Variants in TNS3 observed in about 807,000 individuals in gnomAD.
The protein encoded by TNS3 is tensin 3.
TNS3 carries 45 observed loss-of-function variants against 140.9 expected under a neutral mutation model. The ratio of observed to expected loss-of-function variants is 0.32; its 90% confidence interval spans 0.25 to 0.41. TNS3 has a LOEUF of 0.41. Among genes scored for constraint, TNS3 ranks in the 10% least tolerant of loss-of-function variants. The probability of loss-of-function intolerance (pLI) is 1.00; values close to 1 mark genes in which losing one functional copy is unlikely to be tolerated. For synonymous variants in TNS3, 815 were observed against 788.4 expected (o/e 1.03, Z -0.56); for missense variants, 1,716 against 1,906.7 (o/e 0.90, Z 1.86).
intron 16 of TNS3, among the ~76,000 whole-genome samples, chr7:47,386,062 C>T (rs1022894046): frequency 9.2e-5 from 14 of 152,256 alleles, no homozygotes; most frequent in African/African-American, 3.4e-4. Flanking sequence ...AGACTGTCAA[C>T]ACCATGAATC....
At chr7:47,334,569 A>G (rs1788519831) in intron 20 of TNS3, among the ~76,000 whole-genome samples, 1 of 150,132 alleles carries the variant, frequency 6.7e-6, no homozygotes, top group South Asian at 2.1e-4. Flanking sequence ...AAATTATGAA[A>G]TAGTTTGGAA....
At position 47,351,552 on chromosome 7, in the gene TNS3, C is replaced by A. The variant is rs370805299; in HGVS notation, c.2282-5196G>T. 4.6e-5 allele frequency among the ~76,000 whole-genome samples: 7 copies of A among 152,082 alleles called. No individual in the cohort carries two copies. The East Asian group carries it at 1.3e-3, about 29-fold the overall frequency. On this transcript the variant is annotated intron_variant, in intron 17 of 30. Coordinates refer to ENST00000311160, the MANE Select transcript of TNS3 (RefSeq NM_022748.12). ...TTGAACGTGAGACTCCACGCTAGGT[C>A]CAAGGTAGATGCCCAGGAAGCCCAG...
chr7:47,299,729 A>T (rs1387801226), intron 23 of TNS3, among the ~76,000 whole-genome samples: 1 of 152,120 alleles, frequency 6.6e-6, no homozygotes, highest in Non-Finnish European at 1.5e-5. Flanking sequence ...GTAAGAGGAG[A>T]ATTTTAGACC....
rs978991825 is a variant in TNS3, at chr7:47,280,334, T to C, written c.4118A>G (p.Tyr1373Cys). Residue 1373 changes from tyrosine to cysteine, a missense_variant, in exon 29 of 31, where the codon TAC (tyrosine) becomes TGC (cysteine). Tyr to Cys is a radical substitution (Grantham distance 194). Coordinates refer to ENST00000311160, the MANE Select transcript of TNS3 (RefSeq NM_022748.12). ...NQRKLFFRRH[Y>C]PVNSVIFCAL... The stretch of plus-strand genomic sequence containing the variant: ...ACAGAAAATCACACTGTTCACGGGG[T>C]AATGCCTCCGGAAGAAGAGCCTGTT... 3.1e-6 allele frequency: 5 copies of C among 1,614,116 alleles called. No homozygotes were observed. The highest frequency in any genetic ancestry group is 4.2e-6 in the Non-Finnish European group (5 of 1,180,020).
At chr7:47,504,326 G>A (rs1798335162) in intron 3 of TNS3, among the ~76,000 whole-genome samples, 1 of 152,218 alleles carries the variant, frequency 6.6e-6, no homozygotes, top group African/African-American at 2.4e-5. Flanking sequence ...GCCACAGAAG[G>A]GGCTCTGAGG....
At chr7:47,385,859 A>T (rs1792043810) in intron 16 of TNS3, among the ~76,000 whole-genome samples, 1 of 152,168 alleles carries the variant, frequency 6.6e-6, no homozygotes, top group African/African-American at 2.4e-5. Flanking sequence ...GGGGCAATGT[A>T]TGGCTACTGC....
At chr7:47,283,339 T>TAAAACAATGA (rs1305696368) in intron 28 of TNS3, among the ~76,000 whole-genome samples, 2 of 152,228 alleles carry the variant, frequency 1.3e-5, no homozygotes, top group African/African-American at 4.8e-5. Context: ...AACAATAGGT[T>TAAAACAATGA]CCAAGATCAT....
rs371498658 is a variant in TNS3, at chr7:47,563,029, T to G, written c.-265+19022A>C. On this transcript the variant is annotated intron_variant, in intron 1 of 30. Transcript: ENST00000311160. ...CCAGCCTTCTCTGGCCATACCCTTC[T>G]TTAGCTATGCCCGTTCTTGTTTATG... is the stretch of plus-strand genomic sequence containing the variant. Among the ~76,000 whole-genome samples, 182 of 152,344 alleles carry G rather than the reference T, an allele frequency of 1.2e-3. 1 individual carries two copies. Among genetic ancestry groups the G allele is most frequent in the African/African-American group, 4.2e-3 (176 of 41,580 alleles).
chr7:47,303,670 C>A (rs141919280), intron 21 of TNS3, 86 bp from the exon 22 acceptor site: 9 of 1,453,154 alleles, frequency 6.2e-6, no homozygotes, highest in East Asian at 5.0e-5. Context: ...CACGGGAAGA[C>A]AGGGATGGGG....
At chr7:47,371,263 G>C (rs1292983795) in intron 16 of TNS3, among the ~76,000 whole-genome samples, 4 of 152,248 alleles carry the variant, frequency 2.6e-5, no homozygotes, top group Non-Finnish European at 4.4e-5. Context: ...CTCAGTGACA[G>C]CTACTGTTTT....
chr7:47,318,369 C>T (rs1584389412), intron 20 of TNS3, among the ~76,000 whole-genome samples: 1 of 152,304 alleles, frequency 6.6e-6, no homozygotes, highest in East Asian at 1.9e-4. Flanking sequence ...TTTGACTTTG[C>T]GAACAGTTAC....
chr7:47,342,175 C>T (rs1789058678), intron 20 of TNS3, among the ~76,000 whole-genome samples: 1 of 152,158 alleles, frequency 6.6e-6, no homozygotes, highest in African/African-American at 2.4e-5. Flanking sequence ...AAGTCCATGG[C>T]TAGCTGGCCT....
intron 3 of TNS3, among the ~76,000 whole-genome samples, chr7:47,491,100 G>C (rs1323961965): frequency 6.6e-6 from 1 of 152,218 alleles, no homozygotes; most frequent in South Asian, 2.1e-4. Context: ...GCACGAGGCG[G>C]GCAGACATGA....
intron 3 of TNS3, among the ~76,000 whole-genome samples, chr7:47,486,742 A>G (rs1243890962): frequency 6.6e-6 from 1 of 152,250 alleles, no homozygotes; most frequent in Non-Finnish European, 1.5e-5. Flanking sequence ...TGAACACAAT[A>G]AAACTCCAAA....
At chr7:47,324,073 A>G (rs186776783) in intron 20 of TNS3, among the ~76,000 whole-genome samples, 4 of 152,324 alleles carry the variant, frequency 2.6e-5, no homozygotes, top group African/African-American at 4.8e-5. Flanking sequence ...CCTCAGCTCT[A>G]TTTATGAGGC....
intron 4 of TNS3, among the ~76,000 whole-genome samples, chr7:47,480,354 T>A (rs976581719): frequency 6.6e-6 from 1 of 152,036 alleles, no homozygotes; most frequent in Non-Finnish European, 1.5e-5. Flanking sequence ...TGCACACACT[T>A]CCCCAGCAGC....
chr7:47,562,478 C>A (rs1379146197), intron 1 of TNS3, among the ~76,000 whole-genome samples: 1 of 151,986 alleles, frequency 6.6e-6, no homozygotes, highest in African/African-American at 2.4e-5. Flanking sequence ...CCTCCGCCTC[C>A]CGGGTTCAAG....
rs761043510 is a variant in TNS3 at position 47,303,266 on chromosome 7, C to T, written c.3141G>A (p.Ala1047=). 4.3e-6 allele frequency: 7 copies of T among 1,613,614 alleles called. No individual in the cohort carries two copies. The highest frequency in any genetic ancestry group is 1.7e-5 in the Admixed American group (1 of 60,010). Residue 1047 remains alanine (A), a synonymous_variant, in exon 22 of 31, where the codon GCG becomes GCA. Transcript: ENST00000311160. ...LGALLANSHG[A]SPTPSIPLTA... is the part of the protein sequence containing the mutation. ...TCAGCGGGATGCTGGGGGTCGGTGA[C>T]GCTCCATGAGAATTGGCCAGCAAGG... is the stretch of plus-strand genomic sequence containing the variant.
intron 3 of TNS3, among the ~76,000 whole-genome samples, chr7:47,484,308 A>G (rs967047216): frequency 2.0e-5 from 3 of 152,256 alleles, no homozygotes; most frequent in South Asian, 2.1e-4. Context: ...CATCATTTCT[A>G]TAAGTACAAA....
Sources: allele counts gnomAD v4.1 joint callset (sites outside exome capture counted in the v4.1 genomes callset), GRCh38; gene constraint gnomAD v4.1.1; transcripts MANE v1.5; gene names NCBI Gene and HGNC (gene_info 2026-07-23, HGNC 2026-07-21).